The following CNBD1 variants were observed in gnomAD, a reference collection of about 807,000 sequenced individuals.
The protein encoded by CNBD1 is cyclic nucleotide binding domain containing 1.
In CNBD1, 71 loss-of-function variants were observed where a neutral mutation model predicts 54.4. The ratio of observed to expected loss-of-function variants is 1.30; its 90% CI spans 1.08 to 1.59. The LOEUF (loss-of-function observed/expected upper bound fraction) is 1.59. CNBD1 is among the 40% of genes most tolerant of loss of function. The pLI, the probability that CNBD1 is intolerant of heterozygous loss-of-function variation, is 0.00. For missense variants in CNBD1, 659 were observed against 518.0 expected (o/e 1.27, Z -2.64); for synonymous variants, 182 against 170.7 (o/e 1.07, Z -0.51).
intron 4 of CNBD1, among the ~76,000 whole-genome samples, chr8:87,087,190 AAT>A (rs1811111181): frequency 6.8e-6 from 1 of 147,848 alleles, no homozygotes; most frequent in Admixed American, 6.7e-5. Context: ...AAAAAAAAAA[AAT>A]GTTAGTGAGG....
At chr8:87,208,025 C>G (rs754639431) in intron 5 of CNBD1, among the ~76,000 whole-genome samples, 2 of 152,090 alleles carry the variant, frequency 1.3e-5, no homozygotes, top group Non-Finnish European at 2.9e-5. Flanking sequence ...AGGTGTCTGT[C>G]TCTCTCCTTT....
At chr8:87,399,167 T>C (rs1335695203) in intron 2 of CNBD1, among the ~76,000 whole-genome samples, 1 of 152,088 alleles carries the variant, frequency 6.6e-6, no homozygotes, top group Non-Finnish European at 1.5e-5. Flanking sequence ...GATGATTCAA[T>C]AGCTGATGGT....
chr8:87,106,662 T>G (rs1277158920), intron 4 of CNBD1, among the ~76,000 whole-genome samples: 1 of 152,182 alleles, frequency 6.6e-6, no homozygotes, highest in Non-Finnish European at 1.5e-5. Flanking sequence ...GGTTCCCTCC[T>G]TCCTATCTTT....
intron 4 of CNBD1, among the ~76,000 whole-genome samples, chr8:87,088,017 A>G (rs1278801914): frequency 2.0e-5 from 3 of 152,222 alleles, no homozygotes; most frequent in Non-Finnish European, 4.4e-5. Flanking sequence ...TTATATGCAC[A>G]TAAAGTCATT....
intron 4 of CNBD1, among the ~76,000 whole-genome samples, chr8:87,186,834 A>T (rs974093945): frequency 1.3e-5 from 2 of 152,148 alleles, no homozygotes; most frequent in Non-Finnish European, 2.9e-5. Context: ...TTAAAATGGA[A>T]ACAAGGAAGC....
intron 7 of CNBD1, among the ~76,000 whole-genome samples, chr8:87,286,282 A>G (rs1808696834): frequency 6.6e-6 from 1 of 152,172 alleles, no homozygotes. Flanking sequence ...GGTTTTTAAA[A>G]ACTTCTAAAA....
intron 4 of CNBD1, among the ~76,000 whole-genome samples, chr8:86,984,127 A>G (rs368620451): frequency 6.6e-6 from 1 of 152,144 alleles, no homozygotes; most frequent in Non-Finnish European, 1.5e-5. Flanking sequence ...CTCTCCAGCC[A>G]TGACTAAAAG....
intron 4 of CNBD1, among the ~76,000 whole-genome samples, chr8:87,058,646 T>C (rs1354819094): frequency 1.3e-5 from 2 of 152,180 alleles, no homozygotes. Flanking sequence ...TGAAGCAATA[T>C]CCTCAGCTGT....
intron 8 of CNBD1, among the ~76,000 whole-genome samples, chr8:87,290,440 G>T (rs1006139372): frequency 6.6e-6 from 1 of 151,948 alleles, no homozygotes; most frequent in Non-Finnish European, 1.5e-5. Context: ...ATATGTTATA[G>T]ATCCAACAAC....
At chr8:87,136,078 CT>C (rs879896233) in intron 4 of CNBD1, among the ~76,000 whole-genome samples, 127 of 152,036 alleles carry the variant, frequency 8.4e-4, no homozygotes, top group Non-Finnish European at 1.5e-3. Context: ...TAAAATCCAA[CT>C]TTTTTTGCTT....
chr8:87,039,238 T>C (rs1586215274), intron 4 of CNBD1, among the ~76,000 whole-genome samples: 1 of 152,336 alleles, frequency 6.6e-6, no homozygotes, highest in African/African-American at 2.4e-5. Flanking sequence ...ATACATTAAA[T>C]ATGCTAACTT....
At chr8:87,331,097 A>T (rs1431520735) in intron 8 of CNBD1, among the ~76,000 whole-genome samples, 1 of 152,102 alleles carries the variant, frequency 6.6e-6, no homozygotes, top group African/African-American at 2.4e-5. Context: ...TGTGCAGAAC[A>T]TGAAGGTTTG....
At chr8:87,320,628 G>T (rs920050944) in intron 8 of CNBD1, among the ~76,000 whole-genome samples, 12 of 135,616 alleles carry the variant, frequency 8.8e-5, no homozygotes, top group African/African-American at 3.7e-4. Flanking sequence ...GTGGGGGGGC[G>T]GCTCAGGGTA....
chr8:87,118,640 G>GT (rs1285959357), intron 4 of CNBD1, among the ~76,000 whole-genome samples: 16 of 152,114 alleles, frequency 1.1e-4, no homozygotes, highest in Non-Finnish European at 1.6e-4. Flanking sequence ...TAAGTACCTT[G>GT]TTTTTTTGTG....
chr8:87,113,421 TAACTC>T (rs376832355), intron 4 of CNBD1, among the ~76,000 whole-genome samples: 11 of 152,344 alleles, frequency 7.2e-5, no homozygotes, highest in East Asian at 3.9e-4. Flanking sequence ...ACAGGAATAA[TAACTC>T]AGCTTAAATT....
chr8:86,963,263 A>T (rs1807980089), intron 4 of CNBD1, among the ~76,000 whole-genome samples: 1 of 152,162 alleles, frequency 6.6e-6, no homozygotes, highest in South Asian at 2.1e-4. Context: ...ACTCTCCGTC[A>T]CATTTGAGTT....
chr8:87,220,653 ACAC>A (rs961381687), intron 5 of CNBD1, among the ~76,000 whole-genome samples: 3 of 151,974 alleles, frequency 2.0e-5, no homozygotes, highest in Non-Finnish European at 4.4e-5. Context: ...ATTTCTGCAA[ACAC>A]CACTTTTGAA....
intron 4 of CNBD1, among the ~76,000 whole-genome samples, chr8:87,057,147 C>G (rs547513439): frequency 6.6e-6 from 1 of 152,156 alleles, no homozygotes; most frequent in Non-Finnish European, 1.5e-5. Context: ...TGTATTCGTT[C>G]GTCCTCATGC....
chr8:87,111,713 G>C (rs1032175938), intron 4 of CNBD1, among the ~76,000 whole-genome samples: 3 of 152,106 alleles, frequency 2.0e-5, no homozygotes, highest in African/African-American at 7.2e-5. Context: ...CTCGTTCAGT[G>C]CTCATGTATC....
Sources: allele counts gnomAD v4.1 joint callset (sites outside exome capture counted in the v4.1 genomes callset), GRCh38; gene constraint gnomAD v4.1.1; transcripts MANE v1.5; gene names NCBI Gene and HGNC (gene_info 2026-07-23, HGNC 2026-07-21).